The following PRR12 variants were observed in gnomAD, a reference collection of about 807,000 sequenced individuals.
The protein encoded by PRR12 is proline rich 12, also known as proline-rich protein 12.
In PRR12, 12 loss-of-function variants were observed where a neutral mutation model predicts 138.0. The observed-to-expected ratio is 0.09, with a 90% CI of 0.06 to 0.14. The LOEUF (loss-of-function observed/expected upper bound fraction) is 0.14, where lower values mean the gene tolerates loss of function less well. Ranked by LOEUF, PRR12 falls within the 10% of genes least tolerant of loss-of-function variation. The pLI is 1.00. For missense variants in PRR12, 2,692 were observed against 2,861.3 expected (o/e 0.94, Z 1.35); for synonymous variants, 1,567 against 1,291.7 (o/e 1.21, Z -4.57).
At chr19:49,613,580 G>A (rs965482168) in intron 6 of PRR12, among the ~76,000 whole-genome samples, 1 of 152,146 alleles carries the variant, frequency 6.6e-6, no homozygotes, top group African/African-American at 2.4e-5. Context: ...GTGGGGCAGG[G>A]GGAGCAGAGA....
At chr19:49,600,480 CAA>C (rs34430567) in intron 5 of PRR12, among the ~76,000 whole-genome samples, 8 of 100,684 alleles carry the variant, frequency 7.9e-5, no homozygotes, top group Admixed American at 1.0e-4. Flanking sequence ...GGGGAGTGTT[CAA>C]AAAAAAAAAA....
intron 10 of PRR12, 116 bp from the exon 11 acceptor site, chr19:49,621,409 T>C: frequency 1.2e-6 from 1 of 800,566 alleles, no homozygotes; most frequent in African/African-American, 1.7e-5. Flanking sequence ...GGCTGGGGCC[T>C]GTACTTTTGT....
rs1277871478 is a variant in PRR12, at chr19:49,625,413, C to G, written c.5965-48C>G. 1.9e-6 allele frequency: 3 copies of G among 1,538,632 alleles called. No individual in the cohort carries two copies. The highest frequency in any genetic ancestry group is 2.6e-6 in the Non-Finnish European group (3 of 1,145,644). ...CCCATGCCCCAGCCCCTTCCCTCCCCAGAGGCCGGTGTGCCACCCTCCCCA... is the reference window on the plus strand; with the variant it reads ...CCCATGCCCCAGCCCCTTCCCTCCCGAGAGGCCGGTGTGCCACCCTCCCCA... On this transcript the variant is annotated intron_variant, in intron 13 of 13. Coordinates refer to ENST00000418929, the MANE Select transcript of PRR12 (RefSeq NM_020719.3). This position sits in a 1 kb window ranked among gnomAD's most constrained non-coding sequence, Gnocchi z 5.5.
In PRR12 at chr19:49,596,793, G is replaced by A. The variant is rs1039637808; in HGVS notation, c.2458G>A (p.Gly820Ser). ...PSPSPSASKVGVHLLEPATRD... is the reference protein window; with the variant it reads ...PSPSPSASKVSVHLLEPATRD... Reference sequence around the variant, plus strand: ...TCCCTCTCCCAGCGCCTCCAAAGTCGGCGTCCACCTCCTTGAGCCAGCCAC... The same window carrying A: ...TCCCTCTCCCAGCGCCTCCAAAGTCAGCGTCCACCTCCTTGAGCCAGCCAC... The change falls in exon 4 of 14, where the codon GGC (glycine) becomes AGC (serine). Residue 820 changes from glycine to serine, a missense_variant. Gly to Ser is a moderately conservative substitution (Grantham distance 56, BLOSUM62 0). Coordinates refer to ENST00000418929, the MANE Select transcript of PRR12 (RefSeq NM_020719.3). The surrounding 1 kb of genome is among the most constrained non-coding windows in gnomAD (Gnocchi z 5.6). The A allele has an allele frequency of 2.5e-6, 4 of 1,600,314 alleles. No individual in the cohort carries two copies. Among genetic ancestry groups the A allele is most frequent in the East Asian group, 2.2e-5 (1 of 44,810 alleles).
rs763044179 is a variant in PRR12, at chr19:49,595,966, A to T, written c.1631A>T (p.His544Leu). Residue 544 changes from histidine (H) to leucine (L), a missense_variant, in exon 4 of 14, where the codon CAT becomes CTT. Transcript: ENST00000418929. The part of the protein sequence containing the change: ...STGHSPALSG[H>L]GGGWGPSSLG... ...GGCCATTCCCCAGCGCTCTCGGGCC[A>T]TGGGGGTGGCTGGGGACCCAGCTCC... 6.2e-7 allele frequency: 1 copy of T among 1,600,384 alleles called. No homozygotes were observed. Among genetic ancestry groups the T allele is most frequent in the South Asian group, 1.1e-5 (1 of 91,060 alleles).
At chr19:49,593,630 G>A (rs2080744722) in intron 2 of PRR12, among the ~76,000 whole-genome samples, 191 bp downstream of exon 2, 1 of 151,900 alleles carries the variant, frequency 6.6e-6, no homozygotes, top group Non-Finnish European at 1.5e-5. Flanking sequence ...GGATTCGTCC[G>A]CCCCTGCCTC....
Position 49,599,297 on chromosome 19 carries a change from G to C in PRR12, c.3704G>C (p.Gly1235Ala), listed in dbSNP as rs898028986. 2.5e-6 allele frequency: 4 copies of C among 1,608,256 alleles called. No individual in the cohort carries two copies. Among genetic ancestry groups the C allele is most frequent in the Non-Finnish European group, 3.4e-6 (4 of 1,176,716 alleles). ...ATCAAGCTGTCTGTGCCCAAGGCTGGCGAGGGTCTGGGAACCTCATCGGGT... is the reference window on the plus strand; with the variant it reads ...ATCAAGCTGTCTGTGCCCAAGGCTGCCGAGGGTCTGGGAACCTCATCGGGT... ...LKIKLSVPKAGEGLGTSSGDA... is the reference protein window; with the variant it reads ...LKIKLSVPKAAEGLGTSSGDA... The change falls in exon 5 of 14, where the codon GGC (glycine) becomes GCC (alanine). Residue 1235 changes from glycine to alanine, a missense_variant. Physicochemically the swap from Gly to Ala is moderately conservative, Grantham distance 60. Coordinates refer to ENST00000418929, the MANE Select transcript of PRR12 (RefSeq NM_020719.3). The surrounding 1 kb of genome is among the most constrained non-coding windows in gnomAD (Gnocchi z 5.0).
In PRR12 at chr19:49,596,483, G is replaced by A. The variant is rs554144415; in HGVS notation, c.2148G>A (p.Ala716=). 42 of 1,610,842 alleles carry A rather than the reference G, an allele frequency of 2.6e-5. No individual in the cohort carries two copies. Among genetic ancestry groups the A allele is most frequent in the East Asian group, 1.6e-4 (7 of 44,860 alleles). ...TSASLDEGAT[A]ALELGLGRLK... ...CCAGCCTGGATGAGGGTGCCACTGC[G>A]GCACTGGAGCTGGGCCTGGGGAGGC... is the stretch of plus-strand genomic sequence containing the variant. The change falls in exon 4 of 14, where the codon GCG becomes GCA. Residue 716 remains alanine (A), a synonymous_variant. Coordinates refer to ENST00000418929, the MANE Select transcript of PRR12 (RefSeq NM_020719.3). This position sits in a 1 kb window ranked among gnomAD's most constrained non-coding sequence, Gnocchi z 5.6.
rs557659919 is a variant in PRR12, at chr19:49,596,543, C to A, written c.2208C>A (p.Gly736=). Residue 736 remains glycine, a synonymous_variant, in exon 4 of 14, where the codon GGC becomes GGA. Coordinates refer to ENST00000418929, the MANE Select transcript of PRR12 (RefSeq NM_020719.3). This position sits in a 1 kb window ranked among gnomAD's most constrained non-coding sequence, Gnocchi z 5.6. ...AGAAGAAAGGGCCAGAGCGGGGTGG[C>A]GAGACCCCCGAGGGGCTGGCCACCT... The part of the protein sequence containing the change: ...KEKKKGPERG[G]ETPEGLATSV... 6.8e-6 allele frequency: 11 copies of A among 1,606,610 alleles called. No homozygotes were observed. The highest frequency in any genetic ancestry group is 9.3e-6 in the Non-Finnish European group (11 of 1,177,198).
At chr19:49,591,836 A>G in intron 1 of PRR12, 96 bp downstream of exon 1, 1 of 652,108 alleles carries the variant, frequency 1.5e-6, no homozygotes, top group Non-Finnish European at 2.3e-6. Flanking sequence ...CGACGCGTGC[A>G]TCGCAAACTC....
rs1293239632 is a variant in PRR12 at position 49,596,854 on chromosome 19, C to A, written c.2519C>A (p.Pro840His). 1 of 1,577,526 alleles carries A rather than the reference C, an allele frequency of 6.3e-7. No homozygotes were observed. The highest frequency in any genetic ancestry group is 2.3e-5 in the East Asian group (1 of 43,722). Residue 840 changes from proline (P) to histidine (H), a missense_variant, in exon 4 of 14, where the codon CCC (proline) becomes CAC (histidine). Physicochemically the swap from Pro to His is moderately conservative, Grantham distance 77. Coordinates refer to ENST00000418929, the MANE Select transcript of PRR12 (RefSeq NM_020719.3). The surrounding 1 kb of genome is among the most constrained non-coding windows in gnomAD (Gnocchi z 5.6). ...DGAPQPPPPP[P>H]PPPPPMPLQL... is the part of the protein sequence containing the mutation. ...GCACCCCAGCCACCTCCACCGCCAC[C>A]CCCGCCTCCACCACCCATGCCCCTG...
chr19:49,596,386 C>T lies in PRR12; in HGVS notation c.2051C>T (p.Pro684Leu), dbSNP rs751068800. Residue 684 changes from proline (P) to leucine (L), a missense_variant, in exon 4 of 14, where the codon CCG becomes CTG. Pro to Leu is a moderately conservative substitution (Grantham distance 98). Transcript: ENST00000418929. This position sits in a 1 kb window ranked among gnomAD's most constrained non-coding sequence, Gnocchi z 5.6. The part of the protein sequence containing the change: ...LGGSGGAGGP[P>L]GTPYELAKED... Reference sequence around the variant, plus strand: ...GGGAGTGGCGGGGCCGGGGGACCACCGGGTACACCCTACGAGTTGGCCAAG... The same window carrying T: ...GGGAGTGGCGGGGCCGGGGGACCACTGGGTACACCCTACGAGTTGGCCAAG... 26 of 1,602,734 alleles carry T rather than the reference C, an allele frequency of 1.6e-5. No individual in the cohort carries two copies. Among genetic ancestry groups the T allele is most frequent in the African/African-American group, 1.3e-4 (10 of 74,712 alleles).
chr19:49,619,225 T>G (rs906761608), intron 9 of PRR12, among the ~76,000 whole-genome samples: 1 of 52,998 alleles, frequency 1.9e-5, no homozygotes, highest in Non-Finnish European at 3.7e-5. Context: ...CTCCTGTGAG[T>G]TTTTTTTTTT....
At chr19:49,621,453 T>C in intron 10 of PRR12, 72 bp from the exon 11 acceptor site, 1 of 1,237,098 alleles carries the variant, frequency 8.1e-7, no homozygotes, top group African/African-American at 1.5e-5. Context: ...GGACCCAGAC[T>C]CCATGACCCC....
rs1048685166 is a variant in PRR12 at position 49,625,767 on chromosome 19, G to A, written c.*160G>A. 61 of 907,598 alleles carry A rather than the reference G, an allele frequency of 6.7e-5. No homozygotes were observed. The highest frequency in any genetic ancestry group is 8.3e-5 in the Non-Finnish European group (54 of 654,114). The allele number at this position is 907,598 out of a possible 1,614,324, so 56.2% of individuals were successfully genotyped here. A position where few individuals can be genotyped will look rare whatever the true frequency, so the allele number is the denominator to read the frequency against. ...CCCTCCAGGGCAGGGTTCAAAGTCC[G>A]ACTCCCCCCCTCTCCCAAGCCCCCT... On this transcript the variant is annotated 3_prime_UTR_variant, in exon 14 of 14. Transcript: ENST00000418929. This position sits in a 1 kb window ranked among gnomAD's most constrained non-coding sequence, Gnocchi z 5.5.
At position 49,601,866 on chromosome 19, in the gene PRR12, T is replaced by C. The variant is rs372517778; in HGVS notation, c.4721T>C (p.Phe1574Ser). 6.2e-7 allele frequency: 1 copy of C among 1,612,632 alleles called. No individual in the cohort carries two copies. The highest frequency in any genetic ancestry group is 1.1e-5 in the South Asian group (1 of 91,014). The change falls in exon 6 of 14, where the codon TTC (phenylalanine) becomes TCC (serine). Residue 1574 changes from phenylalanine (F) to serine (S), a missense_variant. Phe to Ser is a radical substitution (Grantham distance 155, BLOSUM62 -2). This residue lies in a region of PRR12 where 92 missense variants were observed against 174.1 expected (regional missense o/e 0.53). Transcript: ENST00000418929. ...GGCGAGAGTGGCGGAGAGGGCATCT[T>C]CCGGGAACGGGACGAGTTCGTCATC... ...EAGESGGEGI[F>S]RERDEFVIRA... is the part of the protein sequence containing the mutation.
chr19:49,599,236 T>C lies in PRR12; in HGVS notation c.3679-36T>C. The stretch of plus-strand genomic sequence containing the variant: ...GGAGGATGGGACTGGGGGCCCAGGC[T>C]ACTGGGCCCTCACGGCCCGCCACTC... On this transcript the variant is annotated intron_variant, in intron 4 of 13. Coordinates refer to ENST00000418929, the MANE Select transcript of PRR12 (RefSeq NM_020719.3). The surrounding 1 kb of genome is among the most constrained non-coding windows in gnomAD (Gnocchi z 5.0). The C allele has an allele frequency of 6.6e-7, 1 of 1,515,212 alleles. No homozygotes were observed. The highest frequency in any genetic ancestry group is 8.8e-7 in the Non-Finnish European group (1 of 1,133,718). 93.9% of individuals were successfully genotyped at this position (1,515,212 alleles called of 1,614,324 possible).
chr19:49,601,334 G>C lies in PRR12; in HGVS notation c.4346-157G>C, dbSNP rs1392577073. ...CTTTGCAGCCGCAGGAGCCAGAGTA[G>C]GTCTCTGGAGAGACTCTGATAGGGT... is the stretch of plus-strand genomic sequence containing the variant. On this transcript the variant is annotated intron_variant, in intron 5 of 13. Transcript: ENST00000418929. Among the ~76,000 whole-genome samples, 8 of 152,120 alleles carry C rather than the reference G, an allele frequency of 5.3e-5. No homozygotes were observed. In the East Asian group the frequency reaches 5.8e-4, roughly 11 times the overall value.
intron 1 of PRR12, among the ~76,000 whole-genome samples, chr19:49,592,803 AC>A (rs1043627359): frequency 6.7e-6 from 1 of 150,360 alleles, no homozygotes; most frequent in Non-Finnish European, 1.5e-5. Context: ...TCTTCTCTCC[AC>A]CCCCCAAACC....
Sources: gnomAD v4.1 joint callset for allele counts (sites outside exome capture counted in the v4.1 genomes callset) on GRCh38, gnomAD v4.1.1 for gene constraint, gnomAD v4.1.1 regional missense constraint, Gnocchi (gnomAD v3.1) non-coding constraint, MANE v1.5 for transcripts, NCBI Gene and HGNC (gene_info 2026-07-23, HGNC 2026-07-21) for gene names.